AVPI1: variants seen among roughly 807,000 people sequenced by gnomAD.
AVPI1 encodes arginine vasopressin induced 1, also known as arginine vasopressin-induced protein 1.
Under a neutral mutation model 11.9 loss-of-function variants are expected in AVPI1, and 9 were observed. The ratio of observed to expected loss-of-function variants is 0.76; its 90% CI spans 0.46 to 1.32. The LOEUF is 1.32. AVPI1 is among the 40% of genes most tolerant of loss of function. The pLI is 0.00. For missense variants in AVPI1, 207 were observed against 195.8 expected (o/e 1.06, Z -0.34); for synonymous variants, 68 against 78.1 (o/e 0.87, Z 0.68).
intron 1 of AVPI1, among the ~76,000 whole-genome samples, chr10:97,686,278 T>C (rs754457052): frequency 6.6e-6 from 1 of 152,208 alleles, no homozygotes; most frequent in Non-Finnish European, 1.5e-5. Context: ...GAAAGGCTGT[T>C]TGACTACCAG....
At chr10:97,678,143 G>T in intron 2 of AVPI1, 118 bp from the exon 3 acceptor site, 1 of 1,141,604 alleles carries the variant, frequency 8.8e-7, no homozygotes, top group Non-Finnish European at 1.2e-6. Flanking sequence ...TGAGAGCGGG[G>T]CTCTGCTCTG....
At chr10:97,683,783 C>T (rs372836359) in intron 1 of AVPI1, among the ~76,000 whole-genome samples, 54 of 152,332 alleles carry the variant, frequency 3.5e-4, no homozygotes, top group African/African-American at 1.2e-3. Context: ...CCCTGGCTTA[C>T]GAGTCAGAGG....
intron 1 of AVPI1, among the ~76,000 whole-genome samples, chr10:97,681,902 A>G (rs1353041680): frequency 1.3e-5 from 2 of 151,098 alleles, no homozygotes; most frequent in Admixed American, 6.6e-5. Flanking sequence ...AAGAAAAAAA[A>G]AAAAAAAAGA....
intron 2 of AVPI1, among the ~76,000 whole-genome samples, chr10:97,679,054 G>GCCT (rs2135769696): frequency 6.7e-6 from 1 of 149,816 alleles, no homozygotes; most frequent in African/African-American, 2.5e-5. Context: ...GAGAATAACG[G>GCCT]CAGAATGAGG....
chr10:97,679,651 C>T lies in AVPI1; in HGVS notation c.255G>A (p.Leu85=), dbSNP rs746237225. The T allele has an allele frequency of 2.7e-5, 44 of 1,613,612 alleles. No homozygotes were observed. The highest frequency in any genetic ancestry group is 3.7e-5 in the Non-Finnish European group (44 of 1,179,872). The part of the protein sequence containing the change: ...RRKRPPRQKP[L]GHSLHHCSRL... ...GGCTGCAGTGGTGTAGCGAGTGGCC[C>T]AGGGGTTTCTGCCTTGGGGGCCTCT... The change falls in exon 2 of 3, where the codon CTG becomes CTA. Residue 85 remains leucine (L), a synonymous_variant. Coordinates refer to ENST00000370626, the MANE Select transcript of AVPI1 (RefSeq NM_021732.3).
chr10:97,680,641 A>C (rs1475938946), intron 1 of AVPI1, among the ~76,000 whole-genome samples: 6 of 152,232 alleles, frequency 3.9e-5, no homozygotes, highest in Admixed American at 3.9e-4. Flanking sequence ...ACTTTGTAGG[A>C]TTAATTTGAA....
Position 97,677,606 on chromosome 10 carries a change from T to C in AVPI1, c.*263A>G. 2 of 413,844 alleles carry C rather than the reference T, an allele frequency of 4.8e-6. No homozygotes were observed. Among genetic ancestry groups the C allele is most frequent in the Non-Finnish European group, 8.8e-6 (2 of 228,144 alleles). The allele number at this position is 413,844 out of a possible 1,614,324, so 25.6% of individuals were successfully genotyped here. ...TCACTTTGCTCCCAGGGGAATATCA[T>C]GCAGCCCAGGAATAGTGTTAGACTG... On this transcript the variant is annotated 3_prime_UTR_variant, in exon 3 of 3. Coordinates refer to ENST00000370626, the MANE Select transcript of AVPI1 (RefSeq NM_021732.3).
intron 2 of AVPI1, 131 bp from the exon 3 acceptor site, chr10:97,678,156 CT>C: frequency 1.0e-6 from 1 of 989,136 alleles, no homozygotes; most frequent in East Asian, 2.5e-5. Flanking sequence ...CTGCTCTGGT[CT>C]TTCCCCCTCT....
chr10:97,679,892 G>T lies in AVPI1; in HGVS notation c.14C>A (p.Ala5Asp). ...AGGGGGTGGCTCACTGACCACCGAGGCTGGGGTACCCATTGTGGATGCTCT... is the reference window on the plus strand; with the variant it reads ...AGGGGGTGGCTCACTGACCACCGAGTCTGGGGTACCCATTGTGGATGCTCT... MGTP[A>D]SVVSEPPPWQ... is the part of the protein sequence containing the mutation. The change falls in exon 2 of 3, where the codon GCC (alanine) becomes GAC (aspartate). Residue 5 changes from alanine (A) to aspartate (D), a missense_variant. By Grantham distance (126) the Ala-to-Asp change is moderately radical. Transcript: ENST00000370626. 1 of 1,580,526 alleles carries T rather than the reference G, an allele frequency of 6.3e-7. No individual in the cohort carries two copies. The highest frequency in any genetic ancestry group is 1.1e-5 in the South Asian group (1 of 87,586).
rs888329810 is a variant in AVPI1, at chr10:97,677,427, A to G, written c.*442T>C. Reference sequence around the variant, plus strand: ...CTGTGACAGACTCACACAGCTCTTGATGCAAATGTTTTTATTTGCCACTTA... The same window carrying G: ...CTGTGACAGACTCACACAGCTCTTGGTGCAAATGTTTTTATTTGCCACTTA... On this transcript the variant is annotated 3_prime_UTR_variant, in exon 3 of 3. Coordinates refer to ENST00000370626, the MANE Select transcript of AVPI1 (RefSeq NM_021732.3). The G allele has an allele frequency of 1.3e-5, 2 of 156,836 alleles. No individual in the cohort carries two copies. The highest frequency in any genetic ancestry group is 4.8e-5 in the African/African-American group (2 of 41,470). The allele number at this position is 156,836 out of a possible 1,614,324, so 9.7% of individuals were successfully genotyped here.
chr10:97,679,806 C>T lies in AVPI1; in HGVS notation c.100G>A (p.Ala34Thr), dbSNP rs544820695. The T allele has an allele frequency of 6.2e-6, 10 of 1,613,230 alleles. No homozygotes were observed. The East Asian group carries it at 1.1e-4, about 18-fold the overall frequency. Reference sequence around the variant, plus strand: ...AGGGCTTGGATCTGCAGCAGCTCGGCGTCCTGGAAGATGTTGGCCGAGGCC... The same window carrying T: ...AGGGCTTGGATCTGCAGCAGCTCGGTGTCCTGGAAGATGTTGGCCGAGGCC... ...KQASANIFQD[A>T]ELLQIQALFQ... Residue 34 changes from alanine to threonine, a missense_variant, in exon 2 of 3, where the codon GCC becomes ACC. Coordinates refer to ENST00000370626, the MANE Select transcript of AVPI1 (RefSeq NM_021732.3).
intron 2 of AVPI1, 26 bp from the exon 3 acceptor site, chr10:97,678,051 C>T: frequency 6.2e-7 from 1 of 1,603,498 alleles, no homozygotes. Flanking sequence ...GTATGATTAG[C>T]CAACATCAAT....
chr10:97,679,584 G>A (rs1033292964), intron 2 of AVPI1, 35 bp downstream of exon 2: 16 of 1,572,570 alleles, frequency 1.0e-5, no homozygotes, highest in Non-Finnish European at 1.4e-5. Flanking sequence ...AGGCATTAGT[G>A]CTCTTCCCTC....
intron 2 of AVPI1, among the ~76,000 whole-genome samples, chr10:97,678,923 G>GACAGGA (rs2041683841): frequency 1.1e-4 from 2 of 17,788 alleles, no homozygotes; most frequent in African/African-American, 4.0e-4. Flanking sequence ...GTGTGTGTGT[G>GACAGGA]TGTGTGTGTG....
intron 2 of AVPI1, among the ~76,000 whole-genome samples, chr10:97,678,971 G>A (rs1490900634): frequency 1.0e-5 from 1 of 100,324 alleles, no homozygotes; most frequent in African/African-American, 3.8e-5. Flanking sequence ...GTGTGTGTGT[G>A]TGTGTGTGTG....
In AVPI1 at chr10:97,686,995, C is replaced by T. The variant is rs557940323; in HGVS notation, c.-240G>A. The T allele has an allele frequency of 1.2e-3, 183 of 152,424 alleles. 1 individual carries two copies. Among genetic ancestry groups the T allele is most frequent in the South Asian group, 2.5e-3 (12 of 4,834 alleles). The allele number at this position is 152,424 out of a possible 1,614,324, so 9.4% of individuals were successfully genotyped here. On this transcript the variant is annotated 5_prime_UTR_variant, in exon 1 of 3. Transcript: ENST00000370626. ...GGAGGCCCCGGGACTCAGACGTGGCCGCTTCGCAGAACGACGGGGTCCTAA... is the reference window on the plus strand; with the variant it reads ...GGAGGCCCCGGGACTCAGACGTGGCTGCTTCGCAGAACGACGGGGTCCTAA...
intron 2 of AVPI1, among the ~76,000 whole-genome samples, chr10:97,678,997 G>T (rs923905534): frequency 2.1e-5 from 3 of 141,682 alleles, no homozygotes; most frequent in African/African-American, 2.6e-5. Flanking sequence ...GTGTGTGTGT[G>T]TGTTTTCAGA....
chr10:97,683,383 T>C (rs2135772668), intron 1 of AVPI1, among the ~76,000 whole-genome samples: 1 of 152,324 alleles, frequency 6.6e-6, no homozygotes, highest in South Asian at 2.1e-4. Context: ...GGTCTTGAAC[T>C]CCTGACCTCA....
chr10:97,686,967 C>G lies in AVPI1; in HGVS notation c.-212G>C, dbSNP rs1256507260. On this transcript the variant is annotated 5_prime_UTR_variant, in exon 1 of 3. Coordinates refer to ENST00000370626, the MANE Select transcript of AVPI1 (RefSeq NM_021732.3). ...AGGTCCTAAGGCGACATCTGCAGCA[C>G]GAGGAGGCCCCGGGACTCAGACGTG... is the stretch of plus-strand genomic sequence containing the variant. 1 of 152,364 alleles carries G rather than the reference C, an allele frequency of 6.6e-6. No individual in the cohort carries two copies. Among genetic ancestry groups the G allele is most frequent in the Admixed American group, 6.5e-5 (1 of 15,294 alleles). 9.4% of individuals were successfully genotyped at this position (152,364 alleles called of 1,614,324 possible). A position where few individuals can be genotyped will look rare whatever the true frequency, so the allele number is the denominator to read the frequency against.
Sources: gnomAD v4.1 joint callset for allele counts (sites outside exome capture counted in the v4.1 genomes callset) on GRCh38, gnomAD v4.1.1 for gene constraint, MANE v1.5 for transcripts, NCBI Gene and HGNC (gene_info 2026-07-23, HGNC 2026-07-21) for gene names.